MARCHF4: variants seen among roughly 807,000 people sequenced by gnomAD.
MARCHF4 encodes membrane associated ring-CH-type finger 4, also known as E3 ubiquitin-protein ligase MARCHF4.
Under a neutral mutation model 43.9 loss-of-function variants are expected in MARCHF4, and 14 were observed. The ratio of observed to expected loss-of-function variants is 0.32; its 90% CI spans 0.21 to 0.50. The LOEUF (loss-of-function observed/expected upper bound fraction) is 0.50, where lower values mean the gene tolerates loss of function less well. Ranked by LOEUF, MARCHF4 falls within the 20% of genes least tolerant of loss-of-function variation. The probability of loss-of-function intolerance (pLI) is 0.98; values close to 1 mark genes in which losing one functional copy is unlikely to be tolerated. For missense variants in MARCHF4, 468 were observed against 536.7 expected, an observed-to-expected ratio of 0.87 and a Z score of 1.27; for synonymous variants, 226 against 213.3, an observed-to-expected ratio of 1.06 and a Z score of -0.52.
At chr2:216,338,295 G>A (rs570915643) in intron 1 of MARCHF4, among the ~76,000 whole-genome samples, 1 of 149,956 alleles carries the variant, frequency 6.7e-6, no homozygotes, top group South Asian at 2.1e-4. Flanking sequence ...CTCTCCCAGA[G>A]CACTGACCCC....
chr2:216,262,938 C>T (rs575660165), intron 3 of MARCHF4, among the ~76,000 whole-genome samples: 37 of 152,190 alleles, frequency 2.4e-4, no homozygotes, highest in Non-Finnish European at 2.4e-4. Context: ...CATTAGGAAA[C>T]GGACAAACAA....
chr2:216,277,934 C>T, intron 2 of MARCHF4, 70 bp from the exon 3 acceptor site: 2 of 1,411,714 alleles, frequency 1.4e-6, no homozygotes, highest in Middle Eastern at 2.0e-4. Context: ...CCTCTTCTGT[C>T]TGCTGCTCCA....
chr2:216,279,576 C>T (rs1691092998), intron 2 of MARCHF4, among the ~76,000 whole-genome samples: 2 of 152,194 alleles, frequency 1.3e-5, no homozygotes, highest in Admixed American at 6.5e-5. Flanking sequence ...ACTACTTTCC[C>T]TCTGCCAACA....
At chr2:216,347,726 CA>C (rs1268330922) in intron 1 of MARCHF4, among the ~76,000 whole-genome samples, 118 of 136,682 alleles carry the variant, frequency 8.6e-4, no homozygotes, top group Non-Finnish European at 2.7e-4. Flanking sequence ...GACTCCGTCT[CA>C]AAAAAAAAGG....
intron 1 of MARCHF4, among the ~76,000 whole-genome samples, chr2:216,328,615 G>A (rs1436520685): frequency 1.3e-5 from 2 of 152,306 alleles, no homozygotes; most frequent in East Asian, 3.9e-4. Flanking sequence ...TTTACTAGTT[G>A]TTTGTGGAAA....
At chr2:216,272,382 G>C (rs914189040) in intron 3 of MARCHF4, among the ~76,000 whole-genome samples, 1 of 152,186 alleles carries the variant, frequency 6.6e-6, no homozygotes, top group Non-Finnish European at 1.5e-5. Flanking sequence ...TAGGACAGGA[G>C]CAGCTGGGGC....
At chr2:216,302,323 A>G (rs1019744012) in intron 1 of MARCHF4, among the ~76,000 whole-genome samples, 1 of 151,136 alleles carries the variant, frequency 6.6e-6, no homozygotes, top group Non-Finnish European at 1.5e-5. Context: ...GGTTCACTCC[A>G]TTCTCCTGCC....
intron 1 of MARCHF4, among the ~76,000 whole-genome samples, chr2:216,318,913 G>A (rs938331369): frequency 2.6e-5 from 4 of 152,194 alleles, no homozygotes; most frequent in African/African-American, 9.7e-5. Flanking sequence ...AGCAGTCTAT[G>A]TAGGGGAGGT....
chr2:216,363,407 T>C (rs1425089866), intron 1 of MARCHF4, among the ~76,000 whole-genome samples: 1 of 152,268 alleles, frequency 6.6e-6, no homozygotes, highest in African/African-American at 2.4e-5. Flanking sequence ...GCATTCAATG[T>C]TGTATCCGTG....
At chr2:216,270,575 A>G (rs188939839) in intron 3 of MARCHF4, among the ~76,000 whole-genome samples, 150 of 152,226 alleles carry the variant, frequency 9.9e-4, no homozygotes, top group African/African-American at 3.4e-3. Flanking sequence ...CTTGTATTCC[A>G]TAATGTACTC....
chr2:216,278,802 C>T (rs191421305), intron 2 of MARCHF4, among the ~76,000 whole-genome samples: 1 of 152,274 alleles, frequency 6.6e-6, no homozygotes, highest in East Asian at 1.9e-4. Context: ...CCAGTATTGA[C>T]AGATGGGTTA....
At chr2:216,323,988 A>C (rs555014200) in intron 1 of MARCHF4, among the ~76,000 whole-genome samples, 2 of 152,326 alleles carry the variant, frequency 1.3e-5, no homozygotes, top group South Asian at 4.1e-4. Flanking sequence ...GGAAATAGAC[A>C]CACAAAAAAA....
chr2:216,259,844 C>T (rs982038783), intron 3 of MARCHF4, 165 bp from the exon 4 acceptor site: 5 of 687,440 alleles, frequency 7.3e-6, no homozygotes, highest in Non-Finnish European at 1.2e-5. Context: ...TTCCAGTAGG[C>T]AGAAGGTGGA....
intron 1 of MARCHF4, among the ~76,000 whole-genome samples, chr2:216,312,047 TG>T (rs1356762467): frequency 6.6e-6 from 1 of 152,226 alleles, no homozygotes; most frequent in African/African-American, 2.4e-5. Flanking sequence ...TGTGTACTGG[TG>T]GGGATTGAGT....
intron 1 of MARCHF4, among the ~76,000 whole-genome samples, chr2:216,314,178 T>G (rs926823778): frequency 6.6e-6 from 1 of 152,236 alleles, no homozygotes; most frequent in African/African-American, 2.4e-5. Flanking sequence ...TGCAATGACT[T>G]TTAACAAATG....
intron 1 of MARCHF4, among the ~76,000 whole-genome samples, chr2:216,320,010 C>T (rs187079333): frequency 6.6e-6 from 1 of 152,192 alleles, no homozygotes; most frequent in Admixed American, 6.5e-5. Flanking sequence ...AGTTTAGAAG[C>T]TGAATCATTA....
intron 1 of MARCHF4, among the ~76,000 whole-genome samples, chr2:216,316,812 G>T (rs951090936): frequency 6.6e-6 from 1 of 152,116 alleles, no homozygotes; most frequent in African/African-American, 2.4e-5. Context: ...CCAGGTCATT[G>T]AGAAGCAGGT....
intron 1 of MARCHF4, among the ~76,000 whole-genome samples, chr2:216,354,287 A>C (rs1692447558): frequency 6.6e-6 from 1 of 152,192 alleles, no homozygotes; most frequent in Non-Finnish European, 1.5e-5. Flanking sequence ...GATGAGGAGA[A>C]TCAGGGTTAA....
At chr2:216,331,887 T>A (rs867870167) in intron 1 of MARCHF4, among the ~76,000 whole-genome samples, 22 of 152,054 alleles carry the variant, frequency 1.4e-4, no homozygotes, top group Admixed American at 3.3e-4. Flanking sequence ...ATAGTGAAAA[T>A]TTTCCCATGA....
Sources: allele counts gnomAD v4.1 joint callset (sites outside exome capture counted in the v4.1 genomes callset), GRCh38; gene constraint gnomAD v4.1.1; transcripts MANE v1.5; gene names NCBI Gene and HGNC (gene_info 2026-07-23, HGNC 2026-07-21).